Variants in PTH2R observed in about 807,000 individuals in gnomAD.
PTH2R encodes the protein parathyroid hormone 2 receptor, also known as PTH2 receptor.
PTH2R carries 59 observed loss-of-function variants against 60.3 expected under a neutral mutation model. That is an observed-to-expected ratio of 0.98 (90% confidence interval 0.79 to 1.22). The LOEUF is 1.22. Among genes scored for constraint, PTH2R ranks in the 50% most tolerant of loss-of-function variants. The pLI, the probability that PTH2R is intolerant of heterozygous loss-of-function variation, is 0.00. For synonymous variants in PTH2R, 256 were observed against 243.8 expected, an observed-to-expected ratio of 1.05 and a Z score of -0.47; for missense variants, 749 against 682.6, an observed-to-expected ratio of 1.10 and a Z score of -1.08.
At chr2:208,394,918 T>C (rs1701178030) in intron 1 of PTH2R, among the ~76,000 whole-genome samples, 2 of 152,192 alleles carry the variant, frequency 1.3e-5, no homozygotes, top group South Asian at 2.1e-4. Flanking sequence ...ACGCAGGAAC[T>C]GAATGGCCAT....
chr2:208,465,068 T>C (rs1405544794), intron 9 of PTH2R, among the ~76,000 whole-genome samples: 2 of 152,130 alleles, frequency 1.3e-5, no homozygotes, highest in Non-Finnish European at 2.9e-5. Context: ...CTTGATCTCC[T>C]GGGCTCAAGT....
chr2:208,480,610 A>G (rs891016554), intron 9 of PTH2R, among the ~76,000 whole-genome samples: 1 of 152,222 alleles, frequency 6.6e-6, no homozygotes, highest in Non-Finnish European at 1.5e-5. Context: ...TTTAAAAAAA[A>G]ACACACACTT....
intron 9 of PTH2R, among the ~76,000 whole-genome samples, chr2:208,473,308 C>T (rs1042693379): frequency 2.6e-5 from 4 of 152,056 alleles, no homozygotes; most frequent in African/African-American, 4.8e-5. Flanking sequence ...AAAGCTTCTA[C>T]TGGTTCTTTA....
intron 5 of PTH2R, 96 bp downstream of exon 5, chr2:208,442,557 C>T (rs1702208351): frequency 1.0e-6 from 1 of 964,194 alleles, no homozygotes; most frequent in Non-Finnish European, 1.6e-6. Flanking sequence ...AAATGTTTTC[C>T]TCAAATGCAA....
chr2:208,435,599 G>A (rs1386576014), intron 2 of PTH2R, among the ~76,000 whole-genome samples: 1 of 152,226 alleles, frequency 6.6e-6, no homozygotes, highest in Non-Finnish European at 1.5e-5. Flanking sequence ...GCTTCTGGAA[G>A]TTGGGAACAG....
At chr2:208,367,008 G>A (rs1700605576) in intron 1 of PTH2R, among the ~76,000 whole-genome samples, 1 of 152,124 alleles carries the variant, frequency 6.6e-6, no homozygotes, top group Non-Finnish European at 1.5e-5. Context: ...CATCTTCCAT[G>A]GCGTAGGTGT....
At chr2:208,471,461 AGAGC>A (rs1702878228) in intron 9 of PTH2R, among the ~76,000 whole-genome samples, 2 of 152,258 alleles carry the variant, frequency 1.3e-5, no homozygotes, top group Non-Finnish European at 2.9e-5. Context: ...GGGCCAATGT[AGAGC>A]TTGGGCCATG....
At chr2:208,374,105 CTTT>C (rs199917630) in intron 1 of PTH2R, among the ~76,000 whole-genome samples, 1 of 143,430 alleles carries the variant, frequency 7.0e-6, no homozygotes, top group African/African-American at 2.6e-5. Flanking sequence ...TCTTTTTTGC[CTTT>C]TTTTTTTTGA....
chr2:208,456,781 G>A (rs570337468), intron 8 of PTH2R, among the ~76,000 whole-genome samples: 1 of 152,186 alleles, frequency 6.6e-6, no homozygotes, highest in African/African-American at 2.4e-5. Flanking sequence ...GTAATTTCTG[G>A]GACATGTTAA....
chr2:208,481,182 A>T lies in PTH2R; in HGVS notation c.1076+18A>T, dbSNP rs752596130. The T allele has an allele frequency of 6.6e-7, 1 of 1,520,286 alleles. No individual in the cohort carries two copies. Among genetic ancestry groups the T allele is most frequent in the Non-Finnish European group, 9.0e-7 (1 of 1,106,334 alleles). 94.2% of individuals were successfully genotyped at this position (1,520,286 alleles called of 1,614,324 possible). ...CAATACAGGTAATTTCAGGAGAGGC[A>T]TCCATCAGAGGAAATATTTTGGTTA... On this transcript the variant is annotated intron_variant, in intron 10 of 12. Coordinates refer to ENST00000272847, the MANE Select transcript of PTH2R (RefSeq NM_005048.4).
At chr2:208,491,750 C>G (rs1289790324) in intron 12 of PTH2R, among the ~76,000 whole-genome samples, 6 of 151,858 alleles carry the variant, frequency 4.0e-5, no homozygotes, top group African/African-American at 1.2e-4. Context: ...TTAGGACCCA[C>G]TGTTTTACTG....
In PTH2R at chr2:208,469,407, T is replaced by A. The variant is rs78437542; in HGVS notation, c.981+9446T>A. Among the ~76,000 whole-genome samples the A allele has an allele frequency of 6.7e-3, 1,021 of 152,330 alleles. 15 individuals carry two copies. The highest frequency in any genetic ancestry group is 0.023 in the African/African-American group (948 of 41,558). On this transcript the variant is annotated intron_variant, in intron 9 of 12. Transcript: ENST00000272847. Reference sequence around the variant, plus strand: ...GTAGATTCTATTAATTTGATGTTTGTATATCTAGGAGTAAAATTAGATAAA... The same window carrying A: ...GTAGATTCTATTAATTTGATGTTTGAATATCTAGGAGTAAAATTAGATAAA...
intron 10 of PTH2R, among the ~76,000 whole-genome samples, chr2:208,488,041 A>G (rs1224347044): frequency 2.6e-5 from 4 of 152,218 alleles, no homozygotes; most frequent in Non-Finnish European, 5.9e-5. Context: ...CAAAAATAGC[A>G]GGAGGGGGGA....
chr2:208,452,762 A>G lies in PTH2R; in HGVS notation c.914+1953A>G, dbSNP rs189808190. Among the ~76,000 whole-genome samples the G allele has an allele frequency of 2.2e-4, 33 of 152,346 alleles. No individual in the cohort carries two copies. The East Asian group carries it at 6.2e-3, about 28-fold the overall frequency. Reference sequence around the variant, plus strand: ...TCTGAGTGCTGATCACATTCCAGGTACTTCATAATTTTGCAAATATTAAGT... The same window carrying G: ...TCTGAGTGCTGATCACATTCCAGGTGCTTCATAATTTTGCAAATATTAAGT... On this transcript the variant is annotated intron_variant, in intron 8 of 12. Transcript: ENST00000272847.
intron 9 of PTH2R, among the ~76,000 whole-genome samples, chr2:208,474,423 G>C (rs1559230889): frequency 6.6e-6 from 1 of 152,174 alleles, no homozygotes; most frequent in Non-Finnish European, 1.5e-5. Context: ...ACCAAACTCT[G>C]TCTGGAGGGC....
chr2:208,443,113 T>C (rs570329740), intron 5 of PTH2R, among the ~76,000 whole-genome samples: 1 of 152,358 alleles, frequency 6.6e-6, no homozygotes, highest in African/African-American at 2.4e-5. Context: ...TTTGGTATTA[T>C]AAGTAATCTA....
intron 9 of PTH2R, among the ~76,000 whole-genome samples, chr2:208,480,480 C>T (rs1703121452): frequency 6.6e-6 from 1 of 152,186 alleles, no homozygotes; most frequent in African/African-American, 2.4e-5. Context: ...ACACTCCCCT[C>T]CCTCCCCTTT....
chr2:208,421,249 T>C (rs1701749526), intron 1 of PTH2R, among the ~76,000 whole-genome samples: 1 of 152,170 alleles, frequency 6.6e-6, no homozygotes, highest in Non-Finnish European at 1.5e-5. Context: ...TCGTGGGGAT[T>C]TTTAGAATTT....
intron 1 of PTH2R, among the ~76,000 whole-genome samples, chr2:208,421,878 A>G (rs1258648862): frequency 6.6e-6 from 1 of 152,226 alleles, no homozygotes; most frequent in Admixed American, 6.5e-5. Flanking sequence ...AGACCAGCTC[A>G]GTTTTCTCTC....
Sources: gnomAD v4.1 joint callset for allele counts (sites outside exome capture counted in the v4.1 genomes callset) on GRCh38, gnomAD v4.1.1 for gene constraint, MANE v1.5 for transcripts, NCBI Gene and HGNC (gene_info 2026-07-23, HGNC 2026-07-21) for gene names.